The following ZNF66 variants were observed in gnomAD, a reference collection of about 807,000 sequenced individuals.
The protein encoded by ZNF66 is zinc finger protein 66.
In ZNF66, 32 loss-of-function variants were observed where a neutral mutation model predicts 35.2. That is an observed-to-expected ratio of 0.91 (90% CI 0.69 to 1.22). The LOEUF (loss-of-function observed/expected upper bound fraction) is 1.22, where lower values mean the gene tolerates loss of function less well. Ranked by LOEUF, ZNF66 falls within the 50% of genes most tolerant of loss-of-function variation. ZNF66 has a pLI of 0.00. For missense variants in ZNF66, 666 were observed against 543.1 expected, an observed-to-expected ratio of 1.23 and a Z score of -2.25; for synonymous variants, 231 against 181.3, an observed-to-expected ratio of 1.27 and a Z score of -2.20.
chr19:20,805,868 A>C lies in ZNF66; in HGVS notation c.268A>C (p.Ser90Arg). Residue 90 changes from serine to arginine, a missense_variant, in exon 4 of 4, where the codon AGC becomes CGC. Coordinates refer to ENST00000344519, the MANE Select transcript of ZNF66 (RefSeq NM_001355197.2). The part of the protein sequence containing the change: ...HFNQDLWPEQ[S>R]IKDSFQKLIL... ...TAACCAAGACCTTTGGCCAGAGCAGAGCATAAAAGATTCTTTCCAAAAACT... is the reference window on the plus strand; with the variant it reads ...TAACCAAGACCTTTGGCCAGAGCAGCGCATAAAAGATTCTTTCCAAAAACT... 1 of 644,966 alleles carries C rather than the reference A, an allele frequency of 1.6e-6. No homozygotes were observed. The highest frequency in any genetic ancestry group is 2.8e-6 in the Non-Finnish European group (1 of 355,864). 40.0% of individuals were successfully genotyped at this position (644,966 alleles called of 1,614,324 possible).
In ZNF66 at chr19:20,789,698, A is replaced by C. The variant is rs546851182; in HGVS notation, c.4-2814A>C. ...TAAAAAAAATTGATGACAGAGGAAC[A>C]GAAGAAGAAATAGAGATTCTGGGCC... On this transcript the variant is annotated intron_variant, in intron 1 of 3. Coordinates refer to ENST00000344519, the MANE Select transcript of ZNF66 (RefSeq NM_001355197.2). 2.5e-3 allele frequency among the ~76,000 whole-genome samples: 376 copies of C among 152,298 alleles called. 1 individual carries two copies. The highest frequency in any genetic ancestry group is 4.1e-3 in the Non-Finnish European group (276 of 68,020).
chr19:20,809,759 G>A lies in ZNF66; in HGVS notation c.*2437G>A, dbSNP rs561899652. Among the ~76,000 whole-genome samples, 1 of 151,926 alleles carries A rather than the reference G, an allele frequency of 6.6e-6. No individual in the cohort carries two copies. Among genetic ancestry groups the A allele is most frequent in the African/African-American group, 2.4e-5 (1 of 41,350 alleles). On this transcript the variant is annotated 3_prime_UTR_variant, in exon 4 of 4. Coordinates refer to ENST00000344519, the MANE Select transcript of ZNF66 (RefSeq NM_001355197.2). The stretch of plus-strand genomic sequence containing the variant: ...ATGTAAAGACCATCGAGACTAGGAA[G>A]AAACTGCATGAACTAACGAGCAAAA...
intron 1 of ZNF66, among the ~76,000 whole-genome samples, chr19:20,780,173 T>G (rs1971233330): frequency 6.6e-6 from 1 of 152,062 alleles, no homozygotes; most frequent in African/African-American, 2.4e-5. Context: ...GTGCAGAGCG[T>G]GTGTCTGCCT....
At chr19:20,776,849 T>C (rs1273329666) in intron 1 of ZNF66, among the ~76,000 whole-genome samples, 1 of 152,112 alleles carries the variant, frequency 6.6e-6, no homozygotes, top group Non-Finnish European at 1.5e-5. Flanking sequence ...GCGCGGTCGT[T>C]CAAGCCTGTA....
At chr19:20,801,664 GGTCTCACTCT>G (rs1331481245) in intron 3 of ZNF66, among the ~76,000 whole-genome samples, 34 of 151,802 alleles carry the variant, frequency 2.2e-4, no homozygotes, top group Non-Finnish European at 3.7e-4. Flanking sequence ...TTTGAGATAG[GGTCTCACTCT>G]GTCAACCAGG....
intron 1 of ZNF66, among the ~76,000 whole-genome samples, chr19:20,778,112 A>G (rs934623398): frequency 1.1e-4 from 16 of 152,020 alleles, no homozygotes; most frequent in Admixed American, 1.3e-4. Context: ...TTATTTACTT[A>G]TTTTTTTGAA....
intron 3 of ZNF66, among the ~76,000 whole-genome samples, chr19:20,794,824 G>T (rs941649015): frequency 2.1e-5 from 3 of 144,144 alleles, no homozygotes; most frequent in Admixed American, 2.1e-4. Flanking sequence ...TTAATGTACT[G>T]TTTATGGTTT....
At chr19:20,779,781 C>G (rs2144889785) in intron 1 of ZNF66, among the ~76,000 whole-genome samples, 1 of 144,086 alleles carries the variant, frequency 6.9e-6, no homozygotes, top group South Asian at 2.2e-4. Context: ...AAAAAAAAAT[C>G]AACAGGTGTG....
rs368099128 is a variant in ZNF66 at position 20,794,001 on chromosome 19, T to TTTTTTTGTTTTTTG, written c.226+129_226+142dup. The TTTTTTTGTTTTTTG allele has an allele frequency of 5.6e-6, 3 of 532,366 alleles. No homozygotes were observed. In the African/African-American group the frequency reaches 6.0e-5, roughly 11 times the overall value. The allele number at this position is 532,366 out of a possible 1,614,324, so 33.0% of individuals were successfully genotyped here. A position where few individuals can be genotyped will look rare whatever the true frequency, so the allele number is the denominator to read the frequency against. ...TCCAAAGGAACTTCTGGGCAGCTGT[T>TTTTTTTGTTTTTTG]TTTTTTGTTTTTTGTTTTTGTTTTT... On this transcript the variant is annotated intron_variant, in intron 3 of 3. Coordinates refer to ENST00000344519, the MANE Select transcript of ZNF66 (RefSeq NM_001355197.2).
At chr19:20,783,792 A>G (rs1971264569) in intron 1 of ZNF66, among the ~76,000 whole-genome samples, 1 of 152,228 alleles carries the variant, frequency 6.6e-6, no homozygotes, top group Non-Finnish European at 1.5e-5. Flanking sequence ...TCTATTTATT[A>G]CTTCAGAACA....
intron 1 of ZNF66, among the ~76,000 whole-genome samples, chr19:20,791,652 G>T (rs764926965): frequency 3.9e-5 from 6 of 152,028 alleles, no homozygotes; most frequent in Non-Finnish European, 5.9e-5. Flanking sequence ...TCTGTATTTT[G>T]AGGTTTGCAT....
At chr19:20,790,506 C>T (rs770684199) in intron 1 of ZNF66, among the ~76,000 whole-genome samples, 7 of 152,054 alleles carry the variant, frequency 4.6e-5, no homozygotes, top group Non-Finnish European at 5.9e-5. Flanking sequence ...GGGGAGGGCA[C>T]CTGAGGACAG....
At chr19:20,785,014 C>T (rs921607404) in intron 1 of ZNF66, 20 of 152,282 alleles carry the variant, frequency 1.3e-4, no homozygotes, top group African/African-American at 4.3e-4. Flanking sequence ...TATCTGGACT[C>T]ATGTTGGAAA....
intron 1 of ZNF66, among the ~76,000 whole-genome samples, chr19:20,781,582 T>C (rs1048523627): frequency 8.0e-5 from 12 of 150,846 alleles, no homozygotes; most frequent in African/African-American, 2.9e-4. Context: ...TGATGTAGGC[T>C]CACCTCAACT....
intron 1 of ZNF66, among the ~76,000 whole-genome samples, chr19:20,777,607 A>T (rs1212443373): frequency 6.6e-6 from 1 of 151,242 alleles, no homozygotes; most frequent in East Asian, 1.9e-4. Flanking sequence ...AGTGTCCCCC[A>T]TGTTCCTCAA....
At chr19:20,789,608 A>G (rs1214162034) in intron 1 of ZNF66, among the ~76,000 whole-genome samples, 1 of 152,126 alleles carries the variant, frequency 6.6e-6, no homozygotes, top group African/African-American at 2.4e-5. Context: ...TGTCTAAACT[A>G]CATTAACCTC....
At position 20,809,908 on chromosome 19, in the gene ZNF66, C is replaced by T. The variant is rs553702478; in HGVS notation, c.*2586C>T. ...GGCAAATTGGATAAATAGTCAAGAC[C>T]CATCAGGGTGCTGTATTCAGGAAAC... On this transcript the variant is annotated 3_prime_UTR_variant, in exon 4 of 4. Coordinates refer to ENST00000344519, the MANE Select transcript of ZNF66 (RefSeq NM_001355197.2). Among the ~76,000 whole-genome samples, 7 of 152,156 alleles carry T rather than the reference C, an allele frequency of 4.6e-5. No homozygotes were observed. The South Asian group carries it at 8.3e-4, about 18-fold the overall frequency.
In ZNF66 at chr19:20,806,751, T is replaced by C. The variant is rs1463941521; in HGVS notation, c.1151T>C (p.Leu384Pro). 8.9e-6 allele frequency: 12 copies of C among 1,346,778 alleles called. No individual in the cohort carries two copies. Among genetic ancestry groups the C allele is most frequent in the South Asian group, 2.3e-5 (2 of 85,292 alleles). 83.4% of individuals were successfully genotyped at this position (1,346,778 alleles called of 1,614,324 possible). A position where few individuals can be genotyped will look rare whatever the true frequency, so the allele number is the denominator to read the frequency against. Residue 384 changes from leucine (L) to proline (P), a missense_variant, in exon 4 of 4, where the codon CTT (leucine) becomes CCT (proline). Leu to Pro is a moderately conservative substitution (Grantham distance 98, BLOSUM62 -3). Coordinates refer to ENST00000344519, the MANE Select transcript of ZNF66 (RefSeq NM_001355197.2). ...CGEAFKYSCS[L>P]TAHKIIHTGK... ...GAAGCCTTTAAGTACTCCTGTTCCCTTACTGCACATAAGATAATTCATACT... is the reference window on the plus strand; with the variant it reads ...GAAGCCTTTAAGTACTCCTGTTCCCCTACTGCACATAAGATAATTCATACT...
intron 3 of ZNF66, chr19:20,799,220 C>T (rs1434016995): frequency 1.3e-5 from 2 of 151,978 alleles, no homozygotes; most frequent in East Asian, 1.9e-4. Flanking sequence ...CGTCACATCG[C>T]CAAGGTAATT....
Sources: allele counts gnomAD v4.1 joint callset (sites outside exome capture counted in the v4.1 genomes callset), GRCh38; gene constraint gnomAD v4.1.1; transcripts MANE v1.5; gene names NCBI Gene and HGNC (gene_info 2026-07-23, HGNC 2026-07-21).